Variants in CDH6 observed in about 807,000 individuals in gnomAD.
The protein encoded by CDH6 is cadherin-6.
CDH6 carries 31 observed loss-of-function variants against 78.0 expected under a neutral mutation model. That is an observed-to-expected ratio of 0.40 (90% CI 0.30 to 0.54). CDH6 has a LOEUF of 0.54. CDH6 is among the 20% of genes least tolerant of loss of function. The pLI, the probability that CDH6 is intolerant of heterozygous loss-of-function variation, is 0.56. For synonymous variants in CDH6, 376 were observed against 368.8 expected, an observed-to-expected ratio of 1.02 and a Z score of -0.23; for missense variants, 724 against 975.9, an observed-to-expected ratio of 0.74 and a Z score of 3.44.
chr5:31,313,200 A>C (rs888380672), intron 7 of CDH6, 118 bp from the exon 8 acceptor site: 4 of 889,320 alleles, frequency 4.5e-6, no homozygotes, highest in Non-Finnish European at 6.7e-6. Flanking sequence ...AGATGGAAAA[A>C]AATTTATGCC....
chr5:31,325,746 C>A lies in CDH6; in HGVS notation c.*2438C>A, dbSNP rs1212028949. 2.2e-5 allele frequency: 5 copies of A among 230,658 alleles called. No homozygotes were observed. Among genetic ancestry groups the A allele is most frequent in the Non-Finnish European group, 3.4e-5 (4 of 116,528 alleles). 14.3% of individuals were successfully genotyped at this position (230,658 alleles called of 1,614,324 possible). On this transcript the variant is annotated 3_prime_UTR_variant, in exon 12 of 12. Coordinates refer to ENST00000265071, the MANE Select transcript of CDH6 (RefSeq NM_004932.4). The stretch of plus-strand genomic sequence containing the variant: ...TGCAGATGACACAGCATACCAAGAA[C>A]AGGTTAATATGATTACTTATGGAAA...
At chr5:31,281,478 G>C (rs1364966360) in intron 2 of CDH6, among the ~76,000 whole-genome samples, 1 of 152,066 alleles carries the variant, frequency 6.6e-6, no homozygotes, top group African/African-American at 2.4e-5. Context: ...CTGGGATCTG[G>C]CTCTCAGCTT....
chr5:31,207,349 C>T (rs1406993933), intron 1 of CDH6, among the ~76,000 whole-genome samples: 1 of 152,126 alleles, frequency 6.6e-6, no homozygotes, highest in East Asian at 1.9e-4. Context: ...TTGCTAATAT[C>T]CAGCTGACCA....
At chr5:31,249,887 C>G (rs1465976107) in intron 1 of CDH6, 2 of 152,308 alleles carry the variant, frequency 1.3e-5, no homozygotes, top group African/African-American at 2.4e-5. Flanking sequence ...TCCGAGGACC[C>G]CAACGAAGGA....
intron 2 of CDH6, among the ~76,000 whole-genome samples, chr5:31,282,387 C>A (rs757731346): frequency 3.4e-4 from 52 of 151,916 alleles, no homozygotes; most frequent in Non-Finnish European, 6.3e-4. Context: ...ACTTCAAATT[C>A]TCTCTCTCTC....
intron 2 of CDH6, among the ~76,000 whole-genome samples, chr5:31,271,570 A>C (rs1742532549): frequency 6.6e-6 from 1 of 152,230 alleles, no homozygotes; most frequent in African/African-American, 2.4e-5. Context: ...ACAACCACTC[A>C]CTTAAAATGG....
chr5:31,246,209 C>A (rs1741742887), intron 1 of CDH6, among the ~76,000 whole-genome samples: 1 of 152,012 alleles, frequency 6.6e-6, no homozygotes, highest in Non-Finnish European at 1.5e-5. Context: ...CGCACCCAGC[C>A]TTAACATTTT....
chr5:31,224,962 G>A (rs1448324752), intron 1 of CDH6, among the ~76,000 whole-genome samples: 5 of 152,132 alleles, frequency 3.3e-5, no homozygotes, highest in South Asian at 2.1e-4. Context: ...AACTACAGGT[G>A]ATTTTGCTCC....
In CDH6 at chr5:31,324,502, G is replaced by A. The variant is rs1404993581; in HGVS notation, c.*1194G>A. The A allele has an allele frequency of 4.8e-6, 1 of 210,514 alleles. No homozygotes were observed. The highest frequency in any genetic ancestry group is 5.9e-5 in the Admixed American group (1 of 16,972). The allele number at this position is 210,514 out of a possible 1,614,324, so 13.0% of individuals were successfully genotyped here. On this transcript the variant is annotated 3_prime_UTR_variant, in exon 12 of 12. Transcript: ENST00000265071. ...TGAAAACCTACATATTCCATGTTTG[G>A]AAGACCCTTGGAAGAGGAAAATTGG...
At chr5:31,208,160 T>C (rs1208797334) in intron 1 of CDH6, among the ~76,000 whole-genome samples, 2 of 152,148 alleles carry the variant, frequency 1.3e-5, no homozygotes, top group African/African-American at 4.8e-5. Context: ...TGCTGCTTGA[T>C]ATAATGGAGA....
At chr5:31,289,876 G>T (rs571176500) in intron 2 of CDH6, among the ~76,000 whole-genome samples, 66 of 152,124 alleles carry the variant, frequency 4.3e-4, no homozygotes, top group Non-Finnish European at 7.5e-4. Flanking sequence ...CACCCAGCAG[G>T]CAAAGATGCT....
chr5:31,244,857 T>A (rs2149921199), intron 1 of CDH6, among the ~76,000 whole-genome samples: 1 of 152,152 alleles, frequency 6.6e-6, no homozygotes, highest in East Asian at 1.9e-4. Context: ...TTAGACGACC[T>A]CTGAGGACTC....
At chr5:31,268,294 A>G (rs533545724) in intron 2 of CDH6, among the ~76,000 whole-genome samples, 1 of 152,332 alleles carries the variant, frequency 6.6e-6, no homozygotes, top group African/African-American at 2.4e-5. Flanking sequence ...AAATCTTTTG[A>G]TTTAACTGTG....
chr5:31,251,680 C>T (rs950474328), intron 1 of CDH6: 1 of 152,152 alleles, frequency 6.6e-6, no homozygotes, highest in African/African-American at 2.4e-5. Flanking sequence ...CCAGTTTTCC[C>T]TCTGAACATT....
At chr5:31,277,181 C>T (rs1390251615) in intron 2 of CDH6, among the ~76,000 whole-genome samples, 7 of 152,154 alleles carry the variant, frequency 4.6e-5, no homozygotes, top group Admixed American at 1.3e-4. Flanking sequence ...AATATGCACA[C>T]GACACCTCAC....
At position 31,302,265 on chromosome 5, in the gene CDH6, G is replaced by A. The variant is rs1195355175; in HGVS notation, c.966G>A (p.Gln322=). The change falls in exon 6 of 12, where the codon CAG becomes CAA. Residue 322 remains glutamine, a synonymous_variant. Transcript: ENST00000265071. ...ATATGTTTGATGTCATCACCGACCA[G>A]GAAACCCAGGAAGGGATTATAACTG... ...GLDMFDVITD[Q]ETQEGIITVK... 6.2e-7 allele frequency: 1 copy of A among 1,613,570 alleles called. No individual in the cohort carries two copies. The highest frequency in any genetic ancestry group is 1.7e-5 in the Admixed American group (1 of 60,012).
At chr5:31,249,729 A>C (rs1741857927) in intron 1 of CDH6, 1 of 152,216 alleles carries the variant, frequency 6.6e-6, no homozygotes, top group South Asian at 2.1e-4. Context: ...GAAAGGCTAA[A>C]TTCAGAAGGT....
intron 1 of CDH6, among the ~76,000 whole-genome samples, chr5:31,262,204 G>A (rs1334218255): frequency 1.3e-5 from 2 of 152,176 alleles, no homozygotes; most frequent in Non-Finnish European, 2.9e-5. Flanking sequence ...ATCTGGACTT[G>A]ACCATGCACT....
At chr5:31,276,852 T>C (rs577431848) in intron 2 of CDH6, among the ~76,000 whole-genome samples, 3 of 152,188 alleles carry the variant, frequency 2.0e-5, no homozygotes, top group Non-Finnish European at 4.4e-5. Flanking sequence ...ATTAAATAAC[T>C]TAATACACAG....
Sources: gnomAD v4.1 joint callset for allele counts (sites outside exome capture counted in the v4.1 genomes callset) on GRCh38, gnomAD v4.1.1 for gene constraint, MANE v1.5 for transcripts, NCBI Gene and HGNC (gene_info 2026-07-23, HGNC 2026-07-21) for gene names.